Variants in TAFA4 observed in about 807,000 individuals in gnomAD.
TAFA4 encodes chemokine-like protein TAFA-4.
Under a neutral mutation model 21.1 loss-of-function variants are expected in TAFA4, and 20 were observed. The observed-to-expected ratio is 0.95, with a 90% CI of 0.67 to 1.38. The LOEUF is 1.38. Ranked by LOEUF, TAFA4 falls within the 40% of genes most tolerant of loss-of-function variation. The pLI is 0.00. For synonymous variants in TAFA4, 71 were observed against 67.4 expected, an observed-to-expected ratio of 1.05 and a Z score of -0.26; for missense variants, 211 against 180.9, an observed-to-expected ratio of 1.17 and a Z score of -0.95.
At chr3:68,879,291 C>G (rs72938883) in intron 3 of TAFA4, among the ~76,000 whole-genome samples, 20,647 of 151,912 alleles carry the variant, frequency 0.14, 2,212 homozygotes, top group African/African-American at 0.3. Context: ...TGCACTGCCC[C>G]AATTAATTCT....
chr3:68,817,253 C>T (rs984496000), intron 3 of TAFA4, among the ~76,000 whole-genome samples: 4 of 152,142 alleles, frequency 2.6e-5, no homozygotes, highest in Non-Finnish European at 4.4e-5. Context: ...TTTGTTCATC[C>T]GTAAGAAGCA....
chr3:68,892,363 T>A (rs893285305), intron 1 of TAFA4, among the ~76,000 whole-genome samples: 3 of 152,230 alleles, frequency 2.0e-5, no homozygotes, highest in African/African-American at 2.4e-5. Context: ...ATAAATGGCA[T>A]TTTAATTTCA....
At chr3:68,751,851 A>T (rs1388288797) in intron 4 of TAFA4, among the ~76,000 whole-genome samples, 1 of 152,262 alleles carries the variant, frequency 6.6e-6, no homozygotes. Context: ...CACATAAAAT[A>T]TGAGCAAAGT....
chr3:68,926,254 A>G (rs114333497), intron 1 of TAFA4, among the ~76,000 whole-genome samples: 1,666 of 151,842 alleles, frequency 0.011, 28 homozygotes, highest in African/African-American at 0.038. Context: ...AGGTCTAAAT[A>G]TATGTGAATA....
In TAFA4 at chr3:68,880,822, A is replaced by T. The variant is rs774456248; in HGVS notation, c.38T>A (p.Val13Glu). 5.6e-6 allele frequency: 9 copies of T among 1,613,588 alleles called. No homozygotes were observed. Among genetic ancestry groups the T allele is most frequent in the Middle Eastern group, 1.7e-4 (1 of 5,736 alleles). Residue 13 changes from valine (V) to glutamate (E), a missense_variant, in exon 3 of 6, where the codon GTG (valine) becomes GAG (glutamate). Transcript: ENST00000295569. Reference sequence around the variant, plus strand: ...TAGAAAGAGCCAGTGCGACAGCAACACTGACTTAGCACAGACTCTCATCCT... The same window carrying T: ...TAGAAAGAGCCAGTGCGACAGCAACTCTGACTTAGCACAGACTCTCATCCT... ...SPRMRVCAKS[V>E]LLSHWLFLAY... is the part of the protein sequence containing the mutation.
At chr3:68,750,695 C>T (rs1171457245) in intron 4 of TAFA4, among the ~76,000 whole-genome samples, 1 of 152,224 alleles carries the variant, frequency 6.6e-6, no homozygotes, top group African/African-American at 2.4e-5. Context: ...ATAGTCATCA[C>T]TGCCCTATCA....
intron 3 of TAFA4, among the ~76,000 whole-genome samples, chr3:68,801,851 A>C (rs943099919): frequency 6.6e-6 from 1 of 152,166 alleles, no homozygotes; most frequent in African/African-American, 2.4e-5. Flanking sequence ...AAGATAATTA[A>C]GAAAGCCTAT....
chr3:68,817,760 T>G (rs971356087), intron 3 of TAFA4, among the ~76,000 whole-genome samples: 1 of 151,742 alleles, frequency 6.6e-6, no homozygotes, highest in Non-Finnish European at 1.5e-5. Context: ...AAAAGGAATC[T>G]CTTTTTTTTC....
intron 3 of TAFA4, among the ~76,000 whole-genome samples, chr3:68,846,855 G>C (rs1287618881): frequency 6.6e-6 from 1 of 152,158 alleles, no homozygotes; most frequent in African/African-American, 2.4e-5. Flanking sequence ...GGAGGCTGCA[G>C]AACAGCAAAG....
At chr3:68,856,898 G>T (rs896579469) in intron 3 of TAFA4, among the ~76,000 whole-genome samples, 3 of 152,084 alleles carry the variant, frequency 2.0e-5, no homozygotes, top group Non-Finnish European at 2.9e-5. Context: ...CCATCTGCTG[G>T]CTGGGTGACC....
intron 3 of TAFA4, among the ~76,000 whole-genome samples, chr3:68,879,136 C>T (rs1488618680): frequency 6.6e-6 from 1 of 152,150 alleles, no homozygotes; most frequent in East Asian, 1.9e-4. Context: ...AACCATGAAG[C>T]CCATGGGACA....
intron 4 of TAFA4, among the ~76,000 whole-genome samples, chr3:68,748,128 GA>G: frequency 6.6e-6 from 1 of 152,322 alleles, no homozygotes; most frequent in East Asian, 1.9e-4. Context: ...TGAGTTCCTT[GA>G]AACCAGGACC....
chr3:68,916,973 G>GCTTGTGT (rs2090010040), intron 1 of TAFA4, among the ~76,000 whole-genome samples: 1 of 152,196 alleles, frequency 6.6e-6, no homozygotes, highest in African/African-American at 2.4e-5. Context: ...ATTCTGTACA[G>GCTTGTGT]CTTGTGTCTT....
At chr3:68,741,419 C>T (rs888465206) in intron 4 of TAFA4, among the ~76,000 whole-genome samples, 1 of 152,006 alleles carries the variant, frequency 6.6e-6, no homozygotes, top group Non-Finnish European at 1.5e-5. Flanking sequence ...TTGGATTGTT[C>T]ATTGCTAGAG....
intron 3 of TAFA4, among the ~76,000 whole-genome samples, chr3:68,823,514 C>T (rs955624222): frequency 1.3e-5 from 2 of 152,094 alleles, no homozygotes; most frequent in Middle Eastern, 3.4e-3. Flanking sequence ...TAAACATGTG[C>T]CCTGGTGGTT....
intron 3 of TAFA4, among the ~76,000 whole-genome samples, chr3:68,828,371 G>T (rs1381376511): frequency 6.6e-6 from 1 of 152,036 alleles, no homozygotes; most frequent in Non-Finnish European, 1.5e-5. Flanking sequence ...GTCTTTTTTG[G>T]TTCCATGTGA....
chr3:68,794,633 G>A lies in TAFA4; in HGVS notation c.131-41615C>T, dbSNP rs538787370. On this transcript the variant is annotated intron_variant, in intron 3 of 5. Coordinates refer to ENST00000295569, the MANE Select transcript of TAFA4 (RefSeq NM_182522.5). ...CTGTGTAGTGATCTCACTAGTGAAC[G>A]GCTATGCCTACCTGCAGATGTCACA... 9.2e-5 allele frequency among the ~76,000 whole-genome samples: 14 copies of A among 152,142 alleles called. No individual in the cohort carries two copies. In the East Asian group the frequency reaches 1.9e-3, roughly 21 times the overall value.
chr3:68,741,835 CCAAA>C (rs558315133), intron 4 of TAFA4, among the ~76,000 whole-genome samples: 352 of 152,174 alleles, frequency 2.3e-3, no homozygotes, highest in African/African-American at 8.3e-3. Context: ...ACTTTCTCTT[CCAAA>C]GAATCGAAGA....
At chr3:68,875,293 A>G (rs911291798) in intron 3 of TAFA4, among the ~76,000 whole-genome samples, 2 of 151,856 alleles carry the variant, frequency 1.3e-5, no homozygotes, top group South Asian at 2.1e-4. Flanking sequence ...TGAGTAATCA[A>G]TAGTACGGTT....
Sources: allele counts gnomAD v4.1 joint callset (sites outside exome capture counted in the v4.1 genomes callset), GRCh38; gene constraint gnomAD v4.1.1; transcripts MANE v1.5; gene names NCBI Gene and HGNC (gene_info 2026-07-23, HGNC 2026-07-21).